Variants in TMEM41B observed in about 807,000 individuals in gnomAD.
The protein encoded by TMEM41B is transmembrane protein 41B.
In TMEM41B, 18 loss-of-function variants were observed where a neutral mutation model predicts 31.9. The ratio of observed to expected loss-of-function variants is 0.56; its 90% CI spans 0.39 to 0.84. The LOEUF (loss-of-function observed/expected upper bound fraction) is 0.84, where lower values mean the gene tolerates loss of function less well. Ranked by LOEUF, TMEM41B falls within the 40% of genes least tolerant of loss-of-function variation. The probability of loss-of-function intolerance (pLI) is 0.00; values close to 1 mark genes in which losing one functional copy is unlikely to be tolerated. For missense variants in TMEM41B, 322 were observed against 348.0 expected (o/e 0.93, Z 0.59); for synonymous variants, 144 against 124.3 (o/e 1.16, Z -1.05).
At chr11:9,290,971 C>T (rs1376696231) in intron 3 of TMEM41B, among the ~76,000 whole-genome samples, 1 of 152,010 alleles carries the variant, frequency 6.6e-6, no homozygotes, top group Non-Finnish European at 1.5e-5. Flanking sequence ...CAAAAATTGG[C>T]CAGTCACAGT....
intron 3 of TMEM41B, among the ~76,000 whole-genome samples, chr11:9,293,580 T>C (rs1358150269): frequency 1.3e-5 from 2 of 152,018 alleles, no homozygotes; most frequent in Admixed American, 6.6e-5. Flanking sequence ...ATTCTTTTTA[T>C]TTTTGTTATT....
In TMEM41B at chr11:9,314,316, C is replaced by T. The variant is rs1484168759; in HGVS notation, c.121+5G>A. 3.8e-6 allele frequency: 6 copies of T among 1,598,094 alleles called. No individual in the cohort carries two copies. Among genetic ancestry groups the T allele is most frequent in the Admixed American group, 3.4e-5 (2 of 59,630 alleles). On this transcript the variant is annotated splice_donor_5th_base_variant and intron_variant, in intron 1 of 6. Transcript: ENST00000528080. Reference sequence around the variant, plus strand: ...CCCCCAGCTCTGCTCCCCGGGCCCACTCACCCTTCTGGTGGTCTCTGCTGC... The same window carrying T: ...CCCCCAGCTCTGCTCCCCGGGCCCATTCACCCTTCTGGTGGTCTCTGCTGC...
At position 9,287,831 on chromosome 11, in the gene TMEM41B, C is replaced by T. The variant is rs564016476; in HGVS notation, c.463-25G>A. The stretch of plus-strand genomic sequence containing the variant: ...ACTGGAAAACAAAAGAAGCCATAAG[C>T]GTTTTGTATTTTTCCGTCTTACTCA... On this transcript the variant is annotated intron_variant, in intron 4 of 6. Coordinates refer to ENST00000528080, the MANE Select transcript of TMEM41B (RefSeq NM_015012.4). The T allele has an allele frequency of 5.2e-5, 80 of 1,547,252 alleles. 2 individuals are homozygous for T. The South Asian group carries it at 8.3e-4, about 16-fold the overall frequency.
In TMEM41B at chr11:9,302,749, G is replaced by A. The variant is rs1277271200; in HGVS notation, c.122-3048C>T. On this transcript the variant is annotated intron_variant, in intron 1 of 6. Transcript: ENST00000528080. ...CTGAAGCAAAAATCTGCATTTTAAT[G>A]ATACTCGTGATCTTCATGCACATTA... 3.0e-5 allele frequency among the ~76,000 whole-genome samples: 3 copies of A among 100,536 alleles called. 1 individual carries two copies. The highest frequency in any genetic ancestry group is 1.2e-4 in the African/African-American group (3 of 26,028). The allele number at this position is 100,536 out of a possible 152,430, so 66.0% of individuals were successfully genotyped here. A position where few individuals can be genotyped will look rare whatever the true frequency, so the allele number is the denominator to read the frequency against.
In TMEM41B at chr11:9,283,444, G is replaced by A. The variant is rs754806005; in HGVS notation, c.856C>T (p.Leu286=). Residue 286 remains leucine (L), a synonymous_variant, in exon 7 of 7, where the codon CTA becomes TTA. Coordinates refer to ENST00000528080, the MANE Select transcript of TMEM41B (RefSeq NM_015012.4). Reference sequence around the variant, plus strand: ...TATTTTTACTCAAATTTCTGCTTTAGTTTTTTTTGGAAGATGGCTGGCAGA... The same window carrying A: ...TATTTTTACTCAAATTTCTGCTTTAATTTTTTTTGGAAGATGGCTGGCAGA... ...SILPAIFQKK[L]KQKFE is the part of the protein sequence containing the mutation. The A allele has an allele frequency of 7.5e-6, 12 of 1,600,326 alleles. No individual in the cohort carries two copies. The Admixed American group carries it at 2.1e-4, about 28-fold the overall frequency.
At chr11:9,299,117 C>T (rs2133631270) in intron 2 of TMEM41B, among the ~76,000 whole-genome samples, 1 of 151,484 alleles carries the variant, frequency 6.6e-6, no homozygotes, top group South Asian at 2.1e-4. Context: ...CCCGTCTCTA[C>T]TAAAAATACA....
intron 1 of TMEM41B, chr11:9,311,248 G>A (rs1853554020): frequency 2.7e-6 from 4 of 1,494,468 alleles, no homozygotes; most frequent in South Asian, 1.1e-5. Context: ...CAGAACTGGT[G>A]AGACTTGAGG....
chr11:9,311,178 G>A, intron 1 of TMEM41B: 1 of 1,302,318 alleles, frequency 7.7e-7, no homozygotes. Flanking sequence ...GGTAGGGTGT[G>A]GGGAGCACAA....
intron 1 of TMEM41B, among the ~76,000 whole-genome samples, chr11:9,304,334 A>G (rs958601478): frequency 6.6e-6 from 1 of 152,210 alleles, no homozygotes; most frequent in African/African-American, 2.4e-5. Flanking sequence ...AGGCCTCCTA[A>G]TAAGTTATAT....
chr11:9,304,196 TA>T (rs1311110535), intron 1 of TMEM41B, among the ~76,000 whole-genome samples: 4 of 152,130 alleles, frequency 2.6e-5, no homozygotes, highest in Non-Finnish European at 4.4e-5. Flanking sequence ...CACAGAGAAT[TA>T]AAAACACACT....
chr11:9,289,761 T>C (rs552298603), intron 3 of TMEM41B, among the ~76,000 whole-genome samples: 6 of 152,340 alleles, frequency 3.9e-5, no homozygotes, highest in Middle Eastern at 3.4e-3. Flanking sequence ...GATCCCTGCA[T>C]AGGATTAGAC....
chr11:9,290,087 T>C (rs895291866), intron 3 of TMEM41B, among the ~76,000 whole-genome samples: 3 of 151,882 alleles, frequency 2.0e-5, no homozygotes, highest in African/African-American at 7.3e-5. Context: ...TGGGTTAAGA[T>C]TGTACTATAT....
chr11:9,300,274 G>A (rs1301244658), intron 1 of TMEM41B, among the ~76,000 whole-genome samples: 6 of 151,986 alleles, frequency 3.9e-5, no homozygotes, highest in Admixed American at 3.9e-4. Flanking sequence ...TAAGCCAAAG[G>A]GGAAAAAAAG....
At chr11:9,306,631 A>G (rs969084687) in intron 1 of TMEM41B, among the ~76,000 whole-genome samples, 1 of 151,986 alleles carries the variant, frequency 6.6e-6, no homozygotes, top group Non-Finnish European at 1.5e-5. Context: ...GCTTGCAGTG[A>G]GCTGAGATGG....
At chr11:9,297,472 T>A (rs1023044888) in intron 2 of TMEM41B, among the ~76,000 whole-genome samples, 1 of 151,964 alleles carries the variant, frequency 6.6e-6, no homozygotes, top group Non-Finnish European at 1.5e-5. Context: ...GATGGGTGGA[T>A]CACGAGGTCA....
chr11:9,300,759 T>G (rs1047798214), intron 1 of TMEM41B, among the ~76,000 whole-genome samples: 1 of 151,638 alleles, frequency 6.6e-6, no homozygotes, highest in Non-Finnish European at 1.5e-5. Context: ...GCGCCTGTAG[T>G]CCCAGCTACT....
intron 4 of TMEM41B, chr11:9,288,144 C>G (rs1590372513): frequency 2.6e-6 from 1 of 381,058 alleles, no homozygotes; most frequent in Non-Finnish European, 4.7e-6. Context: ...TTGAAAACAC[C>G]ACCTCTGGCT....
At chr11:9,288,664 T>A in intron 3 of TMEM41B, 129 bp from the exon 4 acceptor site, 1 of 620,396 alleles carries the variant, frequency 1.6e-6, no homozygotes. Context: ...AGGTCTAGCC[T>A]CTAAGTTGAC....
At position 9,314,583 on chromosome 11, in the gene TMEM41B, G is replaced by C. The variant is rs1181562890; in HGVS notation, c.-142C>G. 5.8e-6 allele frequency: 7 copies of C among 1,202,150 alleles called. No individual in the cohort carries two copies. In the East Asian group the frequency reaches 1.9e-4, roughly 32 times the overall value. 74.5% of individuals were successfully genotyped at this position (1,202,150 alleles called of 1,614,324 possible). ...CCTCACCCGAGACGACCTCAGCCCA[G>C]CGAGTACTGCAACCTCCTGCAAACA... On this transcript the variant is annotated 5_prime_UTR_variant, in exon 1 of 7. Coordinates refer to ENST00000528080, the MANE Select transcript of TMEM41B (RefSeq NM_015012.4).
Sources: allele counts gnomAD v4.1 joint callset (sites outside exome capture counted in the v4.1 genomes callset), GRCh38; gene constraint gnomAD v4.1.1; transcripts MANE v1.5; gene names NCBI Gene and HGNC (gene_info 2026-07-23, HGNC 2026-07-21).